Variants in ALK observed in about 807,000 individuals in gnomAD.
The protein encoded by ALK is ALK tyrosine kinase receptor.
A neutral mutation model predicts 163.1 loss-of-function variants in ALK; 74 were observed. The ratio of observed to expected loss-of-function variants is 0.45; its 90% CI spans 0.38 to 0.55. The LOEUF (loss-of-function observed/expected upper bound fraction) is 0.55. Ranked by LOEUF, ALK falls within the 20% of genes least tolerant of loss-of-function variation. The pLI, the probability that ALK is intolerant of heterozygous loss-of-function variation, is 0.00. For missense variants in ALK, 2,063 were observed against 2,105.3 expected (o/e 0.98, Z 0.39); for synonymous variants, 960 against 843.2 (o/e 1.14, Z -2.40).
At chr2:29,906,910 C>A (rs1047552738) in intron 1 of ALK, among the ~76,000 whole-genome samples, 58 of 150,770 alleles carry the variant, frequency 3.8e-4, no homozygotes, top group Admixed American at 1.1e-3. Flanking sequence ...ATCCCCACAT[C>A]CCCAGAAATA....
At chr2:29,819,016 C>G (rs1439592832) in intron 1 of ALK, among the ~76,000 whole-genome samples, 1 of 152,176 alleles carries the variant, frequency 6.6e-6, no homozygotes, top group East Asian at 1.9e-4. Flanking sequence ...TGGAGAAATA[C>G]TGCCCCCAGG....
intron 4 of ALK, among the ~76,000 whole-genome samples, chr2:29,418,028 C>A (rs1248673930): frequency 6.6e-6 from 1 of 152,166 alleles, no homozygotes; most frequent in African/African-American, 2.4e-5. Context: ...GCATGGCACC[C>A]CTTTAAGGTC....
At chr2:29,888,265 A>ATTTTT (rs1343022563) in intron 1 of ALK, among the ~76,000 whole-genome samples, 7 of 49,922 alleles carry the variant, frequency 1.4e-4, no homozygotes, top group South Asian at 5.1e-4. Context: ...TTTTTTTAAA[A>ATTTTT]AAAGGGAAAC....
At chr2:29,750,868 G>C (rs564669537) in intron 1 of ALK, among the ~76,000 whole-genome samples, 2 of 151,910 alleles carry the variant, frequency 1.3e-5, no homozygotes, top group African/African-American at 4.8e-5. Context: ...TCAGGAGTTC[G>C]AGACCAGCCT....
intron 3 of ALK, among the ~76,000 whole-genome samples, chr2:29,567,654 C>G (rs1273268458): frequency 1.3e-5 from 2 of 152,256 alleles, no homozygotes; most frequent in East Asian, 3.9e-4. Context: ...ATTGCACAGA[C>G]TCCCCGAAAC....
chr2:29,875,220 T>C (rs1210395371), intron 1 of ALK, among the ~76,000 whole-genome samples: 1 of 152,018 alleles, frequency 6.6e-6, no homozygotes, highest in Non-Finnish European at 1.5e-5. Flanking sequence ...TGCAAATAAA[T>C]AGAGACAGAA....
intron 1 of ALK, among the ~76,000 whole-genome samples, chr2:29,751,407 T>C (rs144019468): frequency 3.2e-3 from 485 of 152,306 alleles, no homozygotes; most frequent in African/African-American, 0.011. Flanking sequence ...CTGATGTATG[T>C]GCAGTCCTTC....
At chr2:29,523,676 T>C (rs552170450) in intron 4 of ALK, among the ~76,000 whole-genome samples, 1 of 152,242 alleles carries the variant, frequency 6.6e-6, no homozygotes, top group African/African-American at 2.4e-5. Context: ...ATTATGGGAT[T>C]GGCCAAGATG....
At chr2:29,530,029 G>T (rs1185193598) in intron 4 of ALK, among the ~76,000 whole-genome samples, 1 of 143,318 alleles carries the variant, frequency 7.0e-6, no homozygotes, top group Non-Finnish European at 1.5e-5. Flanking sequence ...GGGCTCATTT[G>T]TCTTGAAGGA....
intron 8 of ALK, among the ~76,000 whole-genome samples, chr2:29,317,504 G>A (rs1558667151): frequency 6.6e-6 from 1 of 152,164 alleles, no homozygotes; most frequent in Non-Finnish European, 1.5e-5. Context: ...CACCCTGTGG[G>A]CTAAATACTG....
chr2:29,621,405 C>G (rs1230936804), intron 3 of ALK, among the ~76,000 whole-genome samples: 1 of 152,158 alleles, frequency 6.6e-6, no homozygotes, highest in East Asian at 1.9e-4. Context: ...TTCACTGAAG[C>G]CCTCATCCTC....
chr2:29,581,915 G>A (rs1674703911), intron 3 of ALK, among the ~76,000 whole-genome samples: 1 of 152,190 alleles, frequency 6.6e-6, no homozygotes. Context: ...TGATACTAAG[G>A]GAAGACTGGG....
At chr2:29,608,138 C>T (rs1675591699) in intron 3 of ALK, among the ~76,000 whole-genome samples, 1 of 152,202 alleles carries the variant, frequency 6.6e-6, no homozygotes. Flanking sequence ...TGACAACTCT[C>T]TATAAATATA....
At chr2:29,296,421 T>C (rs899265382) in intron 9 of ALK, among the ~76,000 whole-genome samples, 1 of 152,222 alleles carries the variant, frequency 6.6e-6, no homozygotes, top group African/African-American at 2.4e-5. Context: ...TCTCCCCTTA[T>C]AACAGGACAG....
chr2:29,452,343 T>G (rs72792479), intron 4 of ALK, among the ~76,000 whole-genome samples: 128,499 of 149,670 alleles, frequency 0.86, 55,397 homozygotes, highest in Middle Eastern at 0.9. Flanking sequence ...TTTTTTTTTT[T>G]TTTTTTTTCT....
intron 23 of ALK, among the ~76,000 whole-genome samples, chr2:29,217,274 G>A (rs1270323467): frequency 2.0e-5 from 3 of 150,474 alleles, no homozygotes; most frequent in Non-Finnish European, 4.4e-5. Context: ...TGTTTTTTGT[G>A]TGGTGCATGT....
At chr2:29,828,694 G>A (rs1665272942) in intron 1 of ALK, among the ~76,000 whole-genome samples, 1 of 152,130 alleles carries the variant, frequency 6.6e-6, no homozygotes, top group African/African-American at 2.4e-5. Context: ...TGGAGAAATA[G>A]GAACACTTTT....
chr2:29,551,474 C>T (rs1673711618), intron 3 of ALK, among the ~76,000 whole-genome samples: 1 of 152,016 alleles, frequency 6.6e-6, no homozygotes, highest in Admixed American at 6.6e-5. Context: ...GTCTCTTTCA[C>T]ACAGATGAAG....
At chr2:29,761,427 C>G (rs1387260035) in intron 1 of ALK, among the ~76,000 whole-genome samples, 1 of 152,160 alleles carries the variant, frequency 6.6e-6, no homozygotes, top group Non-Finnish European at 1.5e-5. Context: ...GAGGAGCAAA[C>G]TCTCCTGAGG....
Sources: gnomAD v4.1 joint callset for allele counts (sites outside exome capture counted in the v4.1 genomes callset) on GRCh38, gnomAD v4.1.1 for gene constraint, MANE v1.5 for transcripts, NCBI Gene and HGNC (gene_info 2026-07-23, HGNC 2026-07-21) for gene names.